GABBR2: variants seen among roughly 807,000 people sequenced by gnomAD.
GABBR2 encodes the protein gamma-aminobutyric acid type B receptor subunit 2.
A neutral mutation model predicts 105.6 loss-of-function variants in GABBR2; 23 were observed. The observed-to-expected ratio is 0.22, with a 90% CI of 0.16 to 0.31. GABBR2 has a LOEUF of 0.31. GABBR2 is among the 10% of genes least tolerant of loss of function. GABBR2 has a pLI of 1.00. For synonymous variants in GABBR2, 478 were observed against 499.7 expected (o/e 0.96, Z 0.58); for missense variants, 734 against 1,245.5 (o/e 0.59, Z 6.18).
At chr9:98,504,723 TCACTTGATTAAA>T (rs1827470909) in intron 3 of GABBR2, among the ~76,000 whole-genome samples, 1 of 152,236 alleles carries the variant, frequency 6.6e-6, no homozygotes, top group Non-Finnish European at 1.5e-5. Context: ...AAATGTGTCT[TCACTTGATTAAA>T]CAGTTCATTC....
At chr9:98,487,586 G>C (rs1588189800) in intron 4 of GABBR2, among the ~76,000 whole-genome samples, 1 of 151,116 alleles carries the variant, frequency 6.6e-6, no homozygotes, top group East Asian at 1.9e-4. Context: ...ACCAGTCTGG[G>C]AAACGTGGAG....
At chr9:98,310,086 C>T (rs1830612526) in intron 14 of GABBR2, among the ~76,000 whole-genome samples, 1 of 152,118 alleles carries the variant, frequency 6.6e-6, no homozygotes, top group Non-Finnish European at 1.5e-5. Flanking sequence ...GAGGAGGGCG[C>T]AGTGACCAGC....
At chr9:98,489,885 G>A (rs1827140240) in intron 4 of GABBR2, among the ~76,000 whole-genome samples, 1 of 152,186 alleles carries the variant, frequency 6.6e-6, no homozygotes, top group African/African-American at 2.4e-5. Context: ...CTAAGGTCAG[G>A]AGTTTGAGAC....
At chr9:98,419,664 T>C (rs893296147) in intron 7 of GABBR2, among the ~76,000 whole-genome samples, 1 of 152,190 alleles carries the variant, frequency 6.6e-6, no homozygotes, top group Non-Finnish European at 1.5e-5. Flanking sequence ...GCTGCTCCAA[T>C]TACTTTCTCT....
intron 13 of GABBR2, among the ~76,000 whole-genome samples, chr9:98,359,435 A>C (rs1322772167): frequency 6.6e-6 from 1 of 152,124 alleles, no homozygotes; most frequent in Non-Finnish European, 1.5e-5. Flanking sequence ...GTCTCCAAAA[A>C]AATAAAATAA....
At chr9:98,304,639 G>T (rs1443368414) in intron 15 of GABBR2, among the ~76,000 whole-genome samples, 1 of 152,218 alleles carries the variant, frequency 6.6e-6, no homozygotes, top group East Asian at 1.9e-4. Flanking sequence ...TGTCCAGGAG[G>T]ATGGAGGCAC....
chr9:98,295,181 C>T (rs920036256), intron 17 of GABBR2, among the ~76,000 whole-genome samples: 2 of 152,232 alleles, frequency 1.3e-5, no homozygotes, highest in Admixed American at 6.5e-5. Context: ...CATTTGCTGA[C>T]ATGCACGGTG....
At chr9:98,414,385 T>C (rs1276245278) in intron 7 of GABBR2, among the ~76,000 whole-genome samples, 1 of 152,110 alleles carries the variant, frequency 6.6e-6, no homozygotes, top group Non-Finnish European at 1.5e-5. Context: ...CCTGAAACAG[T>C]GCCGATAAAG....
At chr9:98,523,673 G>A (rs1354014310) in intron 3 of GABBR2, among the ~76,000 whole-genome samples, 1 of 152,164 alleles carries the variant, frequency 6.6e-6, no homozygotes, top group Non-Finnish European at 1.5e-5. Context: ...ATTAGCAGCA[G>A]TAACCAGTGG....
At chr9:98,628,441 G>T (rs1452103739) in intron 1 of GABBR2, among the ~76,000 whole-genome samples, 2 of 152,174 alleles carry the variant, frequency 1.3e-5, no homozygotes, top group Non-Finnish European at 2.9e-5. Context: ...CCTTCCCTGG[G>T]CTTTTGCTGG....
At chr9:98,290,780 GA>G in intron 18 of GABBR2, 31 bp from the exon 19 acceptor site, 1 of 1,437,218 alleles carries the variant, frequency 7.0e-7, no homozygotes, top group Non-Finnish European at 9.1e-7. Context: ...GAGTGTTAGT[GA>G]AGGGTAGCTG....
chr9:98,653,571 T>C (rs908257401), intron 1 of GABBR2, among the ~76,000 whole-genome samples: 7 of 152,218 alleles, frequency 4.6e-5, no homozygotes, highest in African/African-American at 1.7e-4. Context: ...TTCCTTTTTC[T>C]ACCTGAGCTC....
At chr9:98,546,853 T>A (rs1828412724) in intron 2 of GABBR2, among the ~76,000 whole-genome samples, 1 of 62,848 alleles carries the variant, frequency 1.6e-5, no homozygotes, top group African/African-American at 3.9e-5. Flanking sequence ...TTCTTCTCTA[T>A]TCTGGCTATG....
In GABBR2 at chr9:98,306,669, C is replaced by T. The variant is rs1164448855; in HGVS notation, c.2005-324G>A. 2.6e-6 allele frequency: 1 copy of T among 391,974 alleles called. No homozygotes were observed. The highest frequency in any genetic ancestry group is 2.0e-5 in the African/African-American group (1 of 48,898). The allele number at this position is 391,974 out of a possible 1,614,324, so 24.3% of individuals were successfully genotyped here. On this transcript the variant is annotated intron_variant, in intron 14 of 18. Transcript: ENST00000259455. This position sits in a 1 kb window ranked among gnomAD's most constrained non-coding sequence, Gnocchi z 5.4. Reference sequence around the variant, plus strand: ...TAAGATCTCAGCTTTCTCCCTCACTCTCTAGGGAATACTAATATCCAGAAG... The same window carrying T: ...TAAGATCTCAGCTTTCTCCCTCACTTTCTAGGGAATACTAATATCCAGAAG...
intron 13 of GABBR2, among the ~76,000 whole-genome samples, chr9:98,317,509 C>A (rs1359702356): frequency 6.6e-6 from 1 of 152,216 alleles, no homozygotes; most frequent in African/African-American, 2.4e-5. Flanking sequence ...TACAGACTTG[C>A]TGGGTGATCT....
At chr9:98,559,211 C>A (rs1391372595) in intron 2 of GABBR2, among the ~76,000 whole-genome samples, 1 of 152,178 alleles carries the variant, frequency 6.6e-6, no homozygotes, top group African/African-American at 2.4e-5. Context: ...CTCACTGCAT[C>A]CTCCACCTCC....
chr9:98,636,749 C>A (rs1235366525), intron 1 of GABBR2, among the ~76,000 whole-genome samples: 1 of 152,086 alleles, frequency 6.6e-6, no homozygotes, highest in Non-Finnish European at 1.5e-5. Flanking sequence ...CCACCTCAGC[C>A]TCCCAAAGTG....
At chr9:98,443,523 G>A (rs1370099761) in intron 7 of GABBR2, among the ~76,000 whole-genome samples, 5 of 152,160 alleles carry the variant, frequency 3.3e-5, no homozygotes, top group South Asian at 2.1e-4. Context: ...GCCAAGCAAC[G>A]CCTAACAGCA....
intron 1 of GABBR2, among the ~76,000 whole-genome samples, chr9:98,598,173 G>T (rs886853418): frequency 7.9e-5 from 12 of 152,174 alleles, no homozygotes; most frequent in Non-Finnish European, 1.6e-4. Flanking sequence ...CTCATTCAAT[G>T]ACAACATCCA....
Sources: allele counts gnomAD v4.1 joint callset (sites outside exome capture counted in the v4.1 genomes callset), GRCh38; gene constraint gnomAD v4.1.1; non-coding constraint Gnocchi (gnomAD v3.1); transcripts MANE v1.5; gene names NCBI Gene and HGNC (gene_info 2026-07-23, HGNC 2026-07-21).